Variants in ZNF586 observed in about 807,000 individuals in gnomAD.
ZNF586 encodes zinc finger protein 586.
Under a neutral mutation model 6.7 loss-of-function variants are expected in ZNF586, and 7 were observed. That is an observed-to-expected ratio of 1.04 (90% CI 0.59 to 1.95). ZNF586 has a LOEUF of 1.95. ZNF586 is among the 30% of genes most tolerant of loss of function. ZNF586 has a pLI of 0.00. For synonymous variants in ZNF586, 166 were observed against 168.7 expected (o/e 0.98, Z 0.12); for missense variants, 442 against 489.6 (o/e 0.90, Z 0.92).
chr19:57,777,646 A>G (rs1217777754), intron 2 of ZNF586, among the ~76,000 whole-genome samples: 1 of 149,696 alleles, frequency 6.7e-6, no homozygotes, highest in Non-Finnish European at 1.5e-5. Flanking sequence ...TAATTTTCAT[A>G]TATCTGGACT....
intron 1 of ZNF586, chr19:57,774,761 C>T (rs950341420): frequency 2.0e-6 from 2 of 984,942 alleles, no homozygotes; most frequent in African/African-American, 1.7e-5. Context: ...TTTTAATTTA[C>T]CAAGACTACT....
intron 1 of ZNF586, among the ~76,000 whole-genome samples, chr19:57,774,479 C>T (rs547580102): frequency 2.7e-5 from 4 of 149,286 alleles, no homozygotes; most frequent in African/African-American, 9.8e-5. Context: ...GCTGAGATCG[C>T]GCCATTGCAC....
chr19:57,770,053 G>C (rs1003538753), intron 1 of ZNF586, among the ~76,000 whole-genome samples, 175 bp downstream of exon 1: 1 of 152,156 alleles, frequency 6.6e-6, no homozygotes, highest in Non-Finnish European at 1.5e-5. Flanking sequence ...GGCAGAGCGA[G>C]ACTGGCGGAG....
At chr19:57,773,019 A>T (rs751126062) in intron 1 of ZNF586, among the ~76,000 whole-genome samples, 3 of 152,192 alleles carry the variant, frequency 2.0e-5, no homozygotes, top group African/African-American at 7.2e-5. Context: ...TGAGAATTTC[A>T]TGAATTTTAG....
At chr19:57,777,775 G>C in intron 2 of ZNF586, among the ~76,000 whole-genome samples, 2 of 72,994 alleles carry the variant, frequency 2.7e-5, no homozygotes, top group East Asian at 8.9e-4. Context: ...TTTTTTTTGA[G>C]ATGGAGTTTC....
At chr19:57,772,475 G>A (rs1322223638) in intron 1 of ZNF586, among the ~76,000 whole-genome samples, 1 of 147,988 alleles carries the variant, frequency 6.8e-6, no homozygotes, top group Admixed American at 6.8e-5. Context: ...AACCCCTTTC[G>A]ATGCCAATCA....
rs753971620 is a variant in ZNF586, at chr19:57,779,568, C to T, written c.981C>T (p.Ser327=). The change falls in exon 3 of 3, where the codon AGC becomes AGT. Residue 327 remains serine, a synonymous_variant. Coordinates refer to ENST00000396154, the MANE Select transcript of ZNF586 (RefSeq NM_017652.4). ...GCGGGCAGTGTGGGAAATCCTTTAGCCGAAAATCTAGCCTTATTATACATC... is the reference window on the plus strand; with the variant it reads ...GCGGGCAGTGTGGGAAATCCTTTAGTCGAAAATCTAGCCTTATTATACATC... The part of the protein sequence containing the change: ...HECGQCGKSF[S]RKSSLIIHLR... 6.2e-7 allele frequency: 1 copy of T among 1,612,022 alleles called. No individual in the cohort carries two copies. The highest frequency in any genetic ancestry group is 2.2e-5 in the East Asian group (1 of 44,720).
At chr19:57,772,522 TTGAC>T (rs1404507360) in intron 1 of ZNF586, among the ~76,000 whole-genome samples, 3 of 151,972 alleles carry the variant, frequency 2.0e-5, no homozygotes, top group African/African-American at 4.8e-5. Context: ...TACCTGTCCT[TTGAC>T]TGACTTGATA....
chr19:57,774,005 C>T (rs760681415), intron 1 of ZNF586, among the ~76,000 whole-genome samples: 15 of 151,768 alleles, frequency 9.9e-5, no homozygotes, highest in Non-Finnish European at 1.9e-4. Flanking sequence ...CACGTGAGGC[C>T]GGGGGTTCGA....
Position 57,776,663 on chromosome 19 carries a change from T to G in ZNF586, c.157T>G (p.Ser53Ala), listed in dbSNP as rs1423439175. 6.2e-7 allele frequency: 1 copy of G among 1,601,238 alleles called. No homozygotes were observed. The highest frequency in any genetic ancestry group is 8.5e-7 in the Non-Finnish European group (1 of 1,174,282). The change falls in exon 2 of 3, where the codon TCC (serine) becomes GCC (alanine). Residue 53 changes from serine (S) to alanine (A), a missense_variant. Physicochemically the swap from Ser to Ala is moderately conservative, Grantham distance 99. Transcript: ENST00000396154. ...GCTGGAGACCTTGACACTTATATCC[T>G]CCCTGGGTAAGGTACTCATATTCAC... ...VMLETLTLIS[S>A]LGCWHGGEDE...
intron 2 of ZNF586, among the ~76,000 whole-genome samples, chr19:57,777,878 C>T (rs1044249544): frequency 6.7e-6 from 1 of 149,376 alleles, no homozygotes; most frequent in African/African-American, 2.5e-5. Flanking sequence ...GCCTCAGCCT[C>T]CTGAGTAGCT....
At chr19:57,776,812 G>A in intron 2 of ZNF586, 143 bp downstream of exon 2, 2 of 966,878 alleles carry the variant, frequency 2.1e-6, no homozygotes, top group South Asian at 2.2e-5. Flanking sequence ...GGACTGAGGT[G>A]TACGTACTGC....
intron 2 of ZNF586, among the ~76,000 whole-genome samples, chr19:57,778,001 G>A (rs8105103): frequency 0.029 from 4,394 of 150,904 alleles, 215 homozygotes; most frequent in African/African-American, 0.1. Context: ...GGTGATCCAC[G>A]CCCCTCAACT....
In ZNF586 at chr19:57,774,846, T is replaced by C. The variant is rs139954732; in HGVS notation, c.37-1697T>C. On this transcript the variant is annotated intron_variant, in intron 1 of 2. Transcript: ENST00000396154. ...TATCATGTGCTACCTTCATGTCTGGTGATACCAGTACTACCTCACATGGTC... is the reference window on the plus strand; with the variant it reads ...TATCATGTGCTACCTTCATGTCTGGCGATACCAGTACTACCTCACATGGTC... The C allele has an allele frequency of 5.2e-4, 352 of 682,284 alleles. 7 individuals are homozygous for C. In the East Asian group the frequency reaches 0.044, roughly 86 times the overall value. 42.3% of individuals were successfully genotyped at this position (682,284 alleles called of 1,614,324 possible).
At chr19:57,772,830 G>A (rs888874546) in intron 1 of ZNF586, among the ~76,000 whole-genome samples, 1 of 152,076 alleles carries the variant, frequency 6.6e-6, no homozygotes, top group African/African-American at 2.4e-5. Context: ...ATTGGTCAAT[G>A]CTGATCAGCT....
intron 1 of ZNF586, among the ~76,000 whole-genome samples, chr19:57,771,668 C>T (rs995388663): frequency 4.6e-5 from 7 of 152,050 alleles, no homozygotes; most frequent in African/African-American, 1.4e-4. Context: ...TCTTAATAGG[C>T]GCTGTCTGGT....
At chr19:57,773,595 G>C (rs1302153628) in intron 1 of ZNF586, among the ~76,000 whole-genome samples, 1 of 151,886 alleles carries the variant, frequency 6.6e-6, no homozygotes, top group African/African-American at 2.4e-5. Context: ...GTACAGACAG[G>C]GTTTCACCAT....
In ZNF586 at chr19:57,779,600, T is replaced by A; in HGVS notation, c.1013T>A (p.Val338Asp). ...RKSSLIIHLR[V>D]HTGERPYECS... ...TCTAGCCTTATTATACATCTGAGAG[T>A]TCACACTGGAGAAAGGCCTTATGAG... Residue 338 changes from valine (V) to aspartate (D), a missense_variant, in exon 3 of 3, where the codon GTT becomes GAT. Physicochemically the swap from Val to Asp is radical, Grantham distance 152. Coordinates refer to ENST00000396154, the MANE Select transcript of ZNF586 (RefSeq NM_017652.4). 6.2e-7 allele frequency: 1 copy of A among 1,613,372 alleles called. No homozygotes were observed. The highest frequency in any genetic ancestry group is 8.5e-7 in the Non-Finnish European group (1 of 1,179,906).
chr19:57,771,131 CT>C lies in ZNF586; in HGVS notation c.36+1254del, dbSNP rs199795179. Among the ~76,000 whole-genome samples the C allele has an allele frequency of 1.8e-3, 270 of 152,010 alleles. 1 individual carries two copies. In the Middle Eastern group the frequency reaches 0.02, roughly 11 times the overall value. ...CCTGGCTAACACGGTGAAATCCCCC[CT>C]CTACTAAAAATACAAAAAATTAGCC... On this transcript the variant is annotated intron_variant, in intron 1 of 2. Coordinates refer to ENST00000396154, the MANE Select transcript of ZNF586 (RefSeq NM_017652.4).
Sources: allele counts gnomAD v4.1 joint callset (sites outside exome capture counted in the v4.1 genomes callset), GRCh38; gene constraint gnomAD v4.1.1; transcripts MANE v1.5; gene names NCBI Gene and HGNC (gene_info 2026-07-23, HGNC 2026-07-21).